Variants in CFAP44 observed in about 807,000 individuals in gnomAD.
CFAP44 encodes cilia- and flagella-associated protein 44.
A neutral mutation model predicts 216.2 loss-of-function variants in CFAP44; 134 were observed. The ratio of observed to expected loss-of-function variants is 0.62; its 90% CI spans 0.54 to 0.72. The LOEUF (loss-of-function observed/expected upper bound fraction) is 0.72. CFAP44 is among the 30% of genes least tolerant of loss of function. The probability of loss-of-function intolerance (pLI) is 0.00; values close to 1 mark genes in which losing one functional copy is unlikely to be tolerated. For missense variants in CFAP44, 2,035 were observed against 2,182.1 expected, an observed-to-expected ratio of 0.93 and a Z score of 1.34; for synonymous variants, 700 against 727.6, an observed-to-expected ratio of 0.96 and a Z score of 0.61.
intron 28 of CFAP44, among the ~76,000 whole-genome samples, chr3:113,321,966 A>C (rs555407105): frequency 1.3e-5 from 2 of 152,344 alleles, no homozygotes; most frequent in African/African-American, 4.8e-5. Context: ...ATTCAATGCT[A>C]CTCCTATCAA....
chr3:113,323,487 G>A (rs948000648), intron 28 of CFAP44, among the ~76,000 whole-genome samples: 6 of 151,926 alleles, frequency 3.9e-5, no homozygotes, highest in African/African-American at 1.5e-4. Flanking sequence ...AAGGAGGGGG[G>A]CATTGGCTGA....
chr3:113,416,124 T>C (rs2107385858), intron 6 of CFAP44, among the ~76,000 whole-genome samples: 1 of 152,340 alleles, frequency 6.6e-6, no homozygotes, highest in South Asian at 2.1e-4. Flanking sequence ...TTGTCTTTTT[T>C]GATTTGTGTT....
chr3:113,334,868 A>C (rs1576553524), intron 24 of CFAP44, among the ~76,000 whole-genome samples: 1 of 152,344 alleles, frequency 6.6e-6, no homozygotes, highest in East Asian at 1.9e-4. Flanking sequence ...TCATTGGGAG[A>C]TCACAACATT....
At chr3:113,361,424 T>C (rs1161680043) in intron 21 of CFAP44, 1 of 153,648 alleles carries the variant, frequency 6.5e-6, no homozygotes, top group Non-Finnish European at 1.5e-5. Flanking sequence ...TTATTTTGTG[T>C]ATTGTGTTAA....
intron 28 of CFAP44, among the ~76,000 whole-genome samples, chr3:113,316,210 G>A (rs905394477): frequency 6.6e-6 from 1 of 152,180 alleles, no homozygotes; most frequent in Non-Finnish European, 1.5e-5. Context: ...GGGATACAGA[G>A]CAGGTCTCAA....
chr3:113,429,233 T>C (rs1935040312), intron 2 of CFAP44, among the ~76,000 whole-genome samples: 3 of 152,176 alleles, frequency 2.0e-5, no homozygotes, highest in Admixed American at 2.0e-4. Flanking sequence ...CTTACTATGA[T>C]TGTGGAATTA....
intron 5 of CFAP44, among the ~76,000 whole-genome samples, chr3:113,418,022 G>A (rs1049534494): frequency 2.1e-4 from 32 of 151,858 alleles, no homozygotes; most frequent in African/African-American, 7.0e-4. Flanking sequence ...GGTTGAGTTT[G>A]GGAGTTTTAT....
intron 6 of CFAP44, among the ~76,000 whole-genome samples, chr3:113,415,445 T>C (rs1934619182): frequency 6.6e-6 from 1 of 152,192 alleles, no homozygotes; most frequent in African/African-American, 2.4e-5. Flanking sequence ...GTTCATTTAA[T>C]TGTGATGTTA....
In CFAP44 at chr3:113,406,971, T is replaced by C. The variant is rs376300090; in HGVS notation, c.961A>G (p.Ile321Val). 27 of 1,614,060 alleles carry C rather than the reference T, an allele frequency of 1.7e-5. No homozygotes were observed. In the Middle Eastern group the frequency reaches 6.6e-4, roughly 39 times the overall value. ...QGSLGRFGKTITTDIEGYMEL... is the reference protein window; with the variant it reads ...QGSLGRFGKTVTTDIEGYMEL... ...ATGTAGCCTTCTATATCAGTAGTGA[T>C]TGTTTTGCCAAATCGACCTAGTGAT... The change falls in exon 8 of 35, where the codon ATC becomes GTC. Residue 321 changes from isoleucine (I) to valine (V), a missense_variant. Ile to Val is a conservative substitution (Grantham distance 29). Transcript: ENST00000393845.
At chr3:113,312,260 T>G (rs2107797924) in intron 28 of CFAP44, among the ~76,000 whole-genome samples, 1 of 147,900 alleles carries the variant, frequency 6.8e-6, no homozygotes, top group South Asian at 2.2e-4. Context: ...TTTTTTTGTA[T>G]TTTTAGGAGA....
intron 18 of CFAP44, among the ~76,000 whole-genome samples, chr3:113,370,743 G>A (rs1304445997): frequency 6.6e-6 from 1 of 152,186 alleles, no homozygotes; most frequent in Non-Finnish European, 1.5e-5. Flanking sequence ...AAACAGGCAA[G>A]AGAAAGAGAT....
At chr3:113,387,972 G>A (rs1334490082) in intron 15 of CFAP44, among the ~76,000 whole-genome samples, 1 of 152,122 alleles carries the variant, frequency 6.6e-6, no homozygotes, top group Non-Finnish European at 1.5e-5. Context: ...GTGGAAAAGG[G>A]AGGGAAGAAT....
In CFAP44 at chr3:113,291,710, C is replaced by T; in HGVS notation, c.5412G>A (p.Val1804=). 1.3e-6 allele frequency: 2 copies of T among 1,536,758 alleles called. No individual in the cohort carries two copies. Among genetic ancestry groups the T allele is most frequent in the South Asian group, 1.2e-5 (1 of 84,002 alleles). The change falls in exon 35 of 35, where the codon GTG becomes GTA. Residue 1804 remains valine, a synonymous_variant. Transcript: ENST00000393845. ...TCAATTCAGTGACCTCCTCTCTTGCCACAACATCTGCTTCCCGAGGGCCCT... is the reference window on the plus strand; with the variant it reads ...TCAATTCAGTGACCTCCTCTCTTGCTACAACATCTGCTTCCCGAGGGCCCT... The part of the protein sequence containing the change: ...AFQGPREADV[V]AREEVTELIQ...
intron 32 of CFAP44, among the ~76,000 whole-genome samples, chr3:113,297,628 T>C (rs1949894985): frequency 6.6e-6 from 1 of 152,194 alleles, no homozygotes. Flanking sequence ...ACCTCAGCAC[T>C]CTTTTTCTCA....
In CFAP44 at chr3:113,433,552, T is replaced by C. The variant is rs142295460; in HGVS notation, c.100+13A>G. On this transcript the variant is annotated intron_variant, in intron 2 of 34. Coordinates refer to ENST00000393845, the MANE Select transcript of CFAP44 (RefSeq NM_001164496.2). Reference sequence around the variant, plus strand: ...TTAATACTTTTAAAAGTATACATATTATCTTTACTTACATCTTGATTCTGA... The same window carrying C: ...TTAATACTTTTAAAAGTATACATATCATCTTTACTTACATCTTGATTCTGA... 171 of 1,573,000 alleles carry C rather than the reference T, an allele frequency of 1.1e-4. No individual in the cohort carries two copies. Among genetic ancestry groups the C allele is most frequent in the Non-Finnish European group, 1.4e-4 (164 of 1,145,912 alleles).
intron 34 of CFAP44, chr3:113,294,028 T>C (rs1949856758): frequency 2.2e-6 from 1 of 456,556 alleles, no homozygotes; most frequent in South Asian, 1.5e-5. Flanking sequence ...GCTTAGACCA[T>C]TTCCAGGGTT....
At position 113,294,757 on chromosome 3, in the gene CFAP44, T is replaced by C; in HGVS notation, c.5303A>G (p.Tyr1768Cys). Reference protein sequence around the residue: ...MKTKEHTRKLYQMNDLCIEKK... With the variant: ...MKTKEHTRKLCQMNDLCIEKK... ...TTCAATACACAAATCATTCATCTGATAAAGCTTTCTGGTGTGTTCTTTTGT... is the reference window on the plus strand; with the variant it reads ...TTCAATACACAAATCATTCATCTGACAAAGCTTTCTGGTGTGTTCTTTTGT... The change falls in exon 34 of 35, where the codon TAT (tyrosine) becomes TGT (cysteine). Residue 1768 changes from tyrosine to cysteine, a missense_variant. Coordinates refer to ENST00000393845, the MANE Select transcript of CFAP44 (RefSeq NM_001164496.2). 1 of 1,536,640 alleles carries C rather than the reference T, an allele frequency of 6.5e-7. No individual in the cohort carries two copies. Among genetic ancestry groups the C allele is most frequent in the Non-Finnish European group, 8.7e-7 (1 of 1,146,636 alleles).
chr3:113,307,852 C>A (rs574018531), intron 29 of CFAP44, among the ~76,000 whole-genome samples: 1 of 152,048 alleles, frequency 6.6e-6, no homozygotes, highest in Non-Finnish European at 1.5e-5. Context: ...TGATGGCATG[C>A]GCCTGTAGTC....
Position 113,306,259 on chromosome 3 carries a change from A to G in CFAP44, c.4700T>C (p.Val1567Ala), listed in dbSNP as rs756427990. ...GTTATCAACAATTTTCTTTTCTTCA[A>G]CTAAAGCCTCCTCAATGTCCAGCCT... ...EKRLDIEEALVEEKKIVDNLK... is the reference protein window; with the variant it reads ...EKRLDIEEALAEEKKIVDNLK... Residue 1567 changes from valine (V) to alanine (A), a missense_variant, in exon 30 of 35, where the codon GTT becomes GCT. By Grantham distance (64) the Val-to-Ala change is moderately conservative (BLOSUM62 0). Around this residue, in one of 3 missense-constraint regions of CFAP44, gnomAD observed 1,883 missense variants for 2,023.7 expected, o/e 0.93. Transcript: ENST00000393845. The G allele has an allele frequency of 2.6e-6, 4 of 1,536,908 alleles. No individual in the cohort carries two copies. Among genetic ancestry groups the G allele is most frequent in the Admixed American group, 3.9e-5 (2 of 50,964 alleles).
Sources: allele counts gnomAD v4.1 joint callset (sites outside exome capture counted in the v4.1 genomes callset), GRCh38; gene constraint gnomAD v4.1.1; regional missense constraint gnomAD v4.1.1; transcripts MANE v1.5; gene names NCBI Gene and HGNC (gene_info 2026-07-23, HGNC 2026-07-21).